Variants in LYN observed in about 807,000 individuals in gnomAD.
The protein encoded by LYN is LYN proto-oncogene, Src family tyrosine kinase.
A neutral mutation model predicts 65.0 loss-of-function variants in LYN; 12 were observed. That is an observed-to-expected ratio of 0.18 (90% CI 0.12 to 0.30). LYN has a LOEUF of 0.30. Ranked by LOEUF, LYN falls within the 10% of genes least tolerant of loss-of-function variation. The pLI is 1.00. For missense variants in LYN, 380 were observed against 623.2 expected (o/e 0.61, Z 4.16); for synonymous variants, 222 against 221.2 (o/e 1.00, Z -0.03).
rs564790850 is a variant in LYN at position 55,912,733 on chromosome 8, A to C, written c.-5-29122A>C. Among the ~76,000 whole-genome samples the C allele has an allele frequency of 1.2e-3, 152 of 130,076 alleles. 2 individuals are homozygous for C. Among genetic ancestry groups the C allele is most frequent in the African/African-American group, 3.3e-3 (115 of 34,968 alleles). 85.3% of individuals were successfully genotyped at this position (130,076 alleles called of 152,430 possible). A position where few individuals can be genotyped will look rare whatever the true frequency, so the allele number is the denominator to read the frequency against. ...CAGAGTGAGACTCCATCTGAAAAAA[A>C]AAAACAAAACAAAACAAAACAGAGA... On this transcript the variant is annotated intron_variant, in intron 1 of 12. Transcript: ENST00000519728.
At chr8:55,936,271 C>G (rs1806434468) in intron 1 of LYN, among the ~76,000 whole-genome samples, 1 of 152,178 alleles carries the variant, frequency 6.6e-6, no homozygotes, top group South Asian at 2.1e-4. Flanking sequence ...TCTTTCTAAG[C>G]TCTCTAATTC....
At chr8:55,939,818 C>T (rs1806552357) in intron 1 of LYN, among the ~76,000 whole-genome samples, 1 of 152,170 alleles carries the variant, frequency 6.6e-6, no homozygotes, top group Non-Finnish European at 1.5e-5. Flanking sequence ...AAAAGAACTC[C>T]CATGCTTACT....
At chr8:55,932,656 G>GGA (rs778297574) in intron 1 of LYN, among the ~76,000 whole-genome samples, 19 of 152,108 alleles carry the variant, frequency 1.2e-4, no homozygotes, top group Non-Finnish European at 2.8e-4. Context: ...CCTAACCTCA[G>GGA]GTGATCCTCC....
chr8:55,896,623 C>A (rs955788772), intron 1 of LYN, among the ~76,000 whole-genome samples: 4 of 151,678 alleles, frequency 2.6e-5, no homozygotes, highest in Non-Finnish European at 5.9e-5. Flanking sequence ...CCTGCATGTT[C>A]GGCACATGTA....
chr8:55,974,165 G>A (rs1332222216), intron 10 of LYN, among the ~76,000 whole-genome samples: 1 of 152,146 alleles, frequency 6.6e-6, no homozygotes, highest in African/African-American at 2.4e-5. Flanking sequence ...TTGATCCAGG[G>A]ACTTCTGACT....
intron 1 of LYN, among the ~76,000 whole-genome samples, chr8:55,920,616 A>G (rs1243985921): frequency 1.3e-5 from 2 of 152,208 alleles, no homozygotes; most frequent in African/African-American, 4.8e-5. Context: ...TAATAAATGG[A>G]AGAACAAGGA....
At chr8:55,936,741 G>A (rs1345722106) in intron 1 of LYN, among the ~76,000 whole-genome samples, 1 of 152,128 alleles carries the variant, frequency 6.6e-6, no homozygotes, top group African/African-American at 2.4e-5. Flanking sequence ...ACAATGTATT[G>A]TATATTCCAA....
chr8:55,972,474 G>C (rs1807636281), intron 10 of LYN, among the ~76,000 whole-genome samples: 1 of 152,182 alleles, frequency 6.6e-6, no homozygotes, highest in Admixed American at 6.5e-5. Flanking sequence ...GTACGCTTCA[G>C]CTTCAGCCTG....
chr8:55,986,186 C>CCA (rs1490554514), intron 10 of LYN, among the ~76,000 whole-genome samples: 6 of 75,000 alleles, frequency 8.0e-5, no homozygotes, highest in African/African-American at 6.5e-4. Context: ...CCACCAGAAT[C>CCA]CCCCCCGCAA....
intron 8 of LYN, among the ~76,000 whole-genome samples, chr8:55,957,116 G>A (rs190959752): frequency 6.6e-6 from 1 of 152,270 alleles, no homozygotes; most frequent in East Asian, 1.9e-4. Context: ...TCAATTATTT[G>A]CTACACTATT....
chr8:55,897,650 A>G (rs1181745000), intron 1 of LYN, among the ~76,000 whole-genome samples: 3 of 152,124 alleles, frequency 2.0e-5, no homozygotes, highest in African/African-American at 7.2e-5. Context: ...AGTTGCTCAC[A>G]CCTGTAATGC....
chr8:55,906,515 C>A (rs1805424968), intron 1 of LYN, among the ~76,000 whole-genome samples: 1 of 152,004 alleles, frequency 6.6e-6, no homozygotes. Flanking sequence ...CACCACCACG[C>A]CCAGCTAATT....
chr8:55,929,742 CTG>C (rs1332872457), intron 1 of LYN, among the ~76,000 whole-genome samples: 2 of 152,220 alleles, frequency 1.3e-5, no homozygotes, highest in African/African-American at 4.8e-5. Context: ...ATACACAGAA[CTG>C]TCCTCTAGAA....
intron 1 of LYN, among the ~76,000 whole-genome samples, chr8:55,882,672 T>C (rs1450739): frequency 0.18 from 27,785 of 152,162 alleles, 2,591 homozygotes; most frequent in Middle Eastern, 0.25. Flanking sequence ...CTCTTCCTAG[T>C]GATGATGGTG....
At chr8:55,938,361 G>A (rs1348502349) in intron 1 of LYN, among the ~76,000 whole-genome samples, 1 of 152,160 alleles carries the variant, frequency 6.6e-6, no homozygotes, top group East Asian at 1.9e-4. Flanking sequence ...TTTATTTACT[G>A]TTCAAAAAAT....
chr8:55,919,162 C>G (rs1805875008), intron 1 of LYN, among the ~76,000 whole-genome samples: 1 of 151,302 alleles, frequency 6.6e-6, no homozygotes, highest in African/African-American at 2.4e-5. Flanking sequence ...TCAATTATTT[C>G]AAGAAAAGCA....
intron 1 of LYN, among the ~76,000 whole-genome samples, chr8:55,890,721 A>T (rs28756452): frequency 0.47 from 66,312 of 140,588 alleles, 15,010 homozygotes; most frequent in Middle Eastern, 0.59. Context: ...TTATATGTAC[A>T]TTGGAATTTT....
intron 8 of LYN, among the ~76,000 whole-genome samples, chr8:55,964,766 C>G (rs1211070879): frequency 6.6e-6 from 1 of 152,182 alleles, no homozygotes; most frequent in African/African-American, 2.4e-5. Flanking sequence ...CAAATCCAAT[C>G]AGAATAGAAA....
chr8:55,910,593 T>A (rs1274615155), intron 1 of LYN, among the ~76,000 whole-genome samples: 1 of 152,210 alleles, frequency 6.6e-6, no homozygotes, highest in Admixed American at 6.5e-5. Flanking sequence ...TGCCTCTAGC[T>A]TTGCTCCTTC....
Sources: allele counts gnomAD v4.1 joint callset (sites outside exome capture counted in the v4.1 genomes callset), GRCh38; gene constraint gnomAD v4.1.1; transcripts MANE v1.5; gene names NCBI Gene and HGNC (gene_info 2026-07-23, HGNC 2026-07-21).